PAFAH1B2: variants seen among roughly 807,000 people sequenced by gnomAD.
PAFAH1B2 encodes platelet-activating factor acetylhydrolase IB subunit alpha2.
Under a neutral mutation model 28.0 loss-of-function variants are expected in PAFAH1B2, and 8 were observed. The observed-to-expected ratio is 0.29, with a 90% CI of 0.17 to 0.52. The LOEUF (loss-of-function observed/expected upper bound fraction) is 0.52, where lower values mean the gene tolerates loss of function less well. Among genes scored for constraint, PAFAH1B2 ranks in the 20% least tolerant of loss-of-function variants. PAFAH1B2 has a pLI of 0.97. For synonymous variants in PAFAH1B2, 104 were observed against 103.2 expected, an observed-to-expected ratio of 1.01 and a Z score of -0.05; for missense variants, 190 against 282.6, an observed-to-expected ratio of 0.67 and a Z score of 2.35.
chr11:117,152,549 A>G (rs756373278), intron 2 of PAFAH1B2, 21 bp downstream of exon 2: 7 of 1,510,396 alleles, frequency 4.6e-6, no homozygotes, highest in East Asian at 4.5e-5. Flanking sequence ...GTGCATGTGT[A>G]TCATTCACAT....
At chr11:117,172,386 ATATATATATATATATATATTTTTTTTT>A (rs1956684814), downstream of PAFAH1B2, among the ~76,000 whole-genome samples, 3 of 1,876 alleles carry the variant, frequency 1.6e-3, no homozygotes, top group Non-Finnish European at 3.1e-3. Context: ...ATATATATAT[ATATATATATATATATATATTTTTTTTT>A]TTTTTTTTTT....
Position 117,161,188 on chromosome 11 carries a change from G to C in PAFAH1B2, c.215G>C (p.Gly72Ala). 1 of 1,597,322 alleles carries C rather than the reference G, an allele frequency of 6.3e-7. No individual in the cohort carries two copies. Among genetic ancestry groups the C allele is most frequent in the African/African-American group, 1.4e-5 (1 of 73,684 alleles). ...LFSPLHALNF[G>A]IGGDTTRHVL... ...TCCCCACTTCATGCACTGAATTTTGGAATTGGGGGAGATACAACAAGACAT... is the reference window on the plus strand; with the variant it reads ...TCCCCACTTCATGCACTGAATTTTGCAATTGGGGGAGATACAACAAGACAT... The change falls in exon 4 of 6, where the codon GGA (glycine) becomes GCA (alanine). Residue 72 changes from glycine to alanine, a missense_variant. By Grantham distance (60) the Gly-to-Ala change is moderately conservative (BLOSUM62 0). Transcript: ENST00000527958.
In PAFAH1B2 at chr11:117,153,108, C is replaced by T. The variant is rs552717343; in HGVS notation, c.81+580C>T. Reference sequence around the variant, plus strand: ...ACAAAAAAACTGTAACCTTGTGACCCGTGACAGGTTGTACAAAGGGGGATT... The same window carrying T: ...ACAAAAAAACTGTAACCTTGTGACCTGTGACAGGTTGTACAAAGGGGGATT... On this transcript the variant is annotated intron_variant, in intron 2 of 5. Transcript: ENST00000527958. 2.5e-3 allele frequency among the ~76,000 whole-genome samples: 373 copies of T among 152,192 alleles called. 3 individuals carry two copies. The highest frequency in any genetic ancestry group is 8.3e-3 in the African/African-American group (345 of 41,524).
In PAFAH1B2 at chr11:117,150,189, T is replaced by G. The variant is rs575552044; in HGVS notation, c.-7-2252T>G. Among the ~76,000 whole-genome samples, 197 of 152,294 alleles carry G rather than the reference T, an allele frequency of 1.3e-3. 1 individual carries two copies. The South Asian group carries it at 0.014, about 11-fold the overall frequency. Reference sequence around the variant, plus strand: ...TTGTTTAAATTAATAATTTTTTGGTTGTTGTTTGTTTGAGATGAAGTCTTG... The same window carrying G: ...TTGTTTAAATTAATAATTTTTTGGTGGTTGTTTGTTTGAGATGAAGTCTTG... On this transcript the variant is annotated intron_variant, in intron 1 of 5. Transcript: ENST00000527958.
At chr11:117,175,122 CAAAT>C, downstream of PAFAH1B2, 2 of 1,239,508 alleles carry the variant, frequency 1.6e-6, no homozygotes, top group Non-Finnish European at 1.0e-6. Flanking sequence ...AAATATAAGT[CAAAT>C]AAGCCTTATG....
chr11:117,168,446 G>GTTTTTTGTTTTTTTTTTTT lies in PAFAH1B2; in HGVS notation c.*753_*754insGTTTTTTTTTTTTTTTTTT. 1 of 234,820 alleles carries GTTTTTTGTTTTTTTTTTTT rather than the reference G, an allele frequency of 4.3e-6. No homozygotes were observed. Among genetic ancestry groups the GTTTTTTGTTTTTTTTTTTT allele is most frequent in the Non-Finnish European group, 5.0e-6 (1 of 200,708 alleles). 14.5% of individuals were successfully genotyped at this position (234,820 alleles called of 1,614,324 possible). On this transcript the variant is annotated 3_prime_UTR_variant, in exon 6 of 6. Transcript: ENST00000527958. ...TCCCCTTCATTCCCCCCGCCACCCC[G>GTTTTTTGTTTTTTTTTTTT]TTTTTTTTTTTTTTTTTTTTTTTTT... is the stretch of plus-strand genomic sequence containing the variant.
chr11:117,149,430 G>GTTTTTTTTTTGTTTT (rs1555027903), intron 1 of PAFAH1B2, among the ~76,000 whole-genome samples: 1 of 86,050 alleles, frequency 1.2e-5, no homozygotes, highest in Non-Finnish European at 2.2e-5. Context: ...TTTTCTAATC[G>GTTTTTTTTTTGTTTT]TTTTTTTTTT....
At chr11:117,149,334 C>T (rs952660855) in intron 1 of PAFAH1B2, among the ~76,000 whole-genome samples, 7 of 151,772 alleles carry the variant, frequency 4.6e-5, no homozygotes, top group East Asian at 1.9e-4. Flanking sequence ...CTTCCTGCCT[C>T]GGCCTCCCAA....
In PAFAH1B2 at chr11:117,167,912, G is replaced by A; in HGVS notation, c.*213G>A. 8.5e-7 allele frequency: 1 copy of A among 1,182,392 alleles called. No individual in the cohort carries two copies. The highest frequency in any genetic ancestry group is 3.6e-5 in the East Asian group (1 of 27,890). 73.2% of individuals were successfully genotyped at this position (1,182,392 alleles called of 1,614,324 possible). A position where few individuals can be genotyped will look rare whatever the true frequency, so the allele number is the denominator to read the frequency against. Reference sequence around the variant, plus strand: ...GAAAAATTAGCCAAGGAAGATTGTTGTTTAAATTCATTTGAAACCAGAAGG... The same window carrying A: ...GAAAAATTAGCCAAGGAAGATTGTTATTTAAATTCATTTGAAACCAGAAGG... On this transcript the variant is annotated 3_prime_UTR_variant, in exon 6 of 6. Transcript: ENST00000527958.
chr11:117,150,912 C>T lies in PAFAH1B2; in HGVS notation c.-7-1529C>T, dbSNP rs1016592865. On this transcript the variant is annotated intron_variant, in intron 1 of 5. Transcript: ENST00000527958. ...CTGAGGCAGGAGAATGGCGTGAACCCGGGAGGCGGAGCTTGCAGTGACCCG... is the reference window on the plus strand; with the variant it reads ...CTGAGGCAGGAGAATGGCGTGAACCTGGGAGGCGGAGCTTGCAGTGACCCG... Among the ~76,000 whole-genome samples the T allele has an allele frequency of 4.6e-5, 7 of 150,732 alleles. No individual in the cohort carries two copies. In the East Asian group the frequency reaches 6.0e-4, roughly 13 times the overall value.
intron 1 of PAFAH1B2, among the ~76,000 whole-genome samples, chr11:117,150,790 G>A (rs948209877): frequency 2.4e-4 from 37 of 151,906 alleles, no homozygotes; most frequent in Non-Finnish European, 7.4e-5. Context: ...GATCGAGACC[G>A]TCCTGGCTAA....
At chr11:117,148,118 C>A (rs1956059449) in intron 1 of PAFAH1B2, among the ~76,000 whole-genome samples, 1 of 142,390 alleles carries the variant, frequency 7.0e-6, no homozygotes. Context: ...GTGGTGTGAT[C>A]TCTGCTCACT....
At chr11:117,167,265 GT>G (rs1473492001) in intron 5 of PAFAH1B2, among the ~76,000 whole-genome samples, 155 bp from the exon 6 acceptor site, 1 of 152,096 alleles carries the variant, frequency 6.6e-6, no homozygotes, top group African/African-American at 2.4e-5. Context: ...AGAAGAAATG[GT>G]TAGCTTTCAT....
At chr11:117,151,337 C>G (rs1956146666) in intron 1 of PAFAH1B2, among the ~76,000 whole-genome samples, 2 of 148,754 alleles carry the variant, frequency 1.3e-5, no homozygotes, top group South Asian at 2.1e-4. Context: ...TCAAGTGATT[C>G]TCCTACCTCA....
chr11:117,167,707 T>TG lies in PAFAH1B2; in HGVS notation c.*8_*9insG, dbSNP rs771654363. The TG allele has an allele frequency of 6.5e-7, 1 of 1,529,266 alleles. No homozygotes were observed. The highest frequency in any genetic ancestry group is 1.3e-5 in the South Asian group (1 of 75,154). 94.7% of individuals were successfully genotyped at this position (1,529,266 alleles called of 1,614,324 possible). ...CAAACCACCATTGCCTGACTGGCTC[T>TG]TATCAGTGTTAATAGCATCTCAGCT... is the stretch of plus-strand genomic sequence containing the variant. On this transcript the variant is annotated 3_prime_UTR_variant, in exon 6 of 6. Coordinates refer to ENST00000527958, the MANE Select transcript of PAFAH1B2 (RefSeq NM_002572.4).
rs1417625807 is a variant in PAFAH1B2, at chr11:117,152,388, G to A, written c.-7-53G>A. The A allele has an allele frequency of 4.7e-6, 5 of 1,063,802 alleles. No individual in the cohort carries two copies. The African/African-American group carries it at 7.8e-5, about 17-fold the overall frequency. The allele number at this position is 1,063,802 out of a possible 1,614,324, so 65.9% of individuals were successfully genotyped here. On this transcript the variant is annotated intron_variant, in intron 1 of 5. Coordinates refer to ENST00000527958, the MANE Select transcript of PAFAH1B2 (RefSeq NM_002572.4). ...GCCTGATGTGTATAATATTTAAGTGGTAACAAACCTTCCTGTTAACAAATG... is the reference window on the plus strand; with the variant it reads ...GCCTGATGTGTATAATATTTAAGTGATAACAAACCTTCCTGTTAACAAATG...
At chr11:117,157,664 T>G (rs1956281714) in intron 2 of PAFAH1B2, among the ~76,000 whole-genome samples, 2 of 152,290 alleles carry the variant, frequency 1.3e-5, no homozygotes, top group Admixed American at 1.3e-4. Context: ...TGATAGAGCA[T>G]TCCTGTAGTC....
chr11:117,151,311 C>T (rs547489733), intron 1 of PAFAH1B2, among the ~76,000 whole-genome samples: 1 of 147,756 alleles, frequency 6.8e-6, no homozygotes, highest in Non-Finnish European at 1.5e-5. Context: ...CTCACTGCAA[C>T]CTCCGCCTCC....
rs2134215751 is a variant in PAFAH1B2 at position 117,167,444 on chromosome 11, A to G, written c.435A>G (p.Lys145=). 2 of 1,594,608 alleles carry G rather than the reference A, an allele frequency of 1.3e-6. No individual in the cohort carries two copies. Among genetic ancestry groups the G allele is most frequent in the Middle Eastern group, 1.7e-4 (1 of 6,014 alleles). The part of the protein sequence containing the change: ...IVLGLLPRGE[K]PNPLRQKNAK... ...AGGGTTTGTTACCTCGAGGTGAGAA[A>G]CCCAATCCTTTGAGGCAAAAGAACG... Residue 145 remains lysine, a synonymous_variant, in exon 6 of 6, where the codon AAA becomes AAG. Transcript: ENST00000527958.
Sources: gnomAD v4.1 joint callset for allele counts (sites outside exome capture counted in the v4.1 genomes callset) on GRCh38, gnomAD v4.1.1 for gene constraint, MANE v1.5 for transcripts, NCBI Gene and HGNC (gene_info 2026-07-23, HGNC 2026-07-21) for gene names.